The following ARHGAP23 variants were observed in gnomAD, a reference collection of about 807,000 sequenced individuals.
ARHGAP23 encodes the protein Rho GTPase activating protein 23, also known as rho GTPase-activating protein 23.
ARHGAP23 carries 34 observed loss-of-function variants against 136.3 expected under a neutral mutation model. The observed-to-expected ratio is 0.25, with a 90% CI of 0.19 to 0.33. The LOEUF (loss-of-function observed/expected upper bound fraction) is 0.33, where lower values mean the gene tolerates loss of function less well. Among genes scored for constraint, ARHGAP23 ranks in the 10% least tolerant of loss-of-function variants. ARHGAP23 has a pLI of 1.00. For missense variants in ARHGAP23, 1,808 were observed against 2,139.0 expected, an observed-to-expected ratio of 0.85 and a Z score of 3.05; for synonymous variants, 832 against 920.5, an observed-to-expected ratio of 0.90 and a Z score of 1.74.
At chr17:38,498,533 G>C in intron 22 of ARHGAP23, 23 bp downstream of exon 22, 1 of 1,512,502 alleles carries the variant, frequency 6.6e-7, no homozygotes, top group South Asian at 1.2e-5. Flanking sequence ...GCCTGGGAGT[G>C]GGGAGGCGGG....
At chr17:38,503,772 C>A (rs1430617435) in intron 23 of ARHGAP23, among the ~76,000 whole-genome samples, 1 of 152,182 alleles carries the variant, frequency 6.6e-6, no homozygotes, top group African/African-American at 2.4e-5. Flanking sequence ...AATCACAGGG[C>A]CTTGAACAAT....
intron 23 of ARHGAP23, among the ~76,000 whole-genome samples, chr17:38,507,737 G>A (rs2040666418): frequency 6.6e-6 from 1 of 152,224 alleles, no homozygotes; most frequent in Admixed American, 6.5e-5. Context: ...ACTCCAGGGG[G>A]TGCCTTCTGG....
intron 1 of ARHGAP23, 64 bp downstream of exon 1, chr17:38,428,612 C>A (rs1049498747): frequency 3.4e-6 from 4 of 1,173,892 alleles, no homozygotes; most frequent in Admixed American, 3.9e-5. Context: ...GCTGCCAAGC[C>A]AGGGTCGCTG....
chr17:38,488,506 A>T (rs2040204136), intron 17 of ARHGAP23, among the ~76,000 whole-genome samples: 1 of 152,096 alleles, frequency 6.6e-6, no homozygotes, highest in Admixed American at 6.5e-5. Context: ...TTTGCCTTTC[A>T]CTTTGCAGTA....
chr17:38,469,803 A>T, intron 9 of ARHGAP23, 44 bp from the exon 10 acceptor site: 1 of 1,549,430 alleles, frequency 6.5e-7, no homozygotes. Flanking sequence ...GTGAGGTCCC[A>T]GCTTTGCTGC....
At chr17:38,453,670 G>C (rs2039244302) in intron 1 of ARHGAP23, 1 of 150,630 alleles carries the variant, frequency 6.6e-6, no homozygotes, top group African/African-American at 2.4e-5. Context: ...CGAGACTCGC[G>C]GGCGTGTCGG....
At chr17:38,457,932 G>A in intron 1 of ARHGAP23, 170 bp from the exon 2 acceptor site, 1 of 687,304 alleles carries the variant, frequency 1.5e-6, no homozygotes, top group Non-Finnish European at 2.4e-6. Context: ...GAAGGTGGGA[G>A]AGTAAGGAAG....
chr17:38,506,173 T>C (rs1049549063), intron 23 of ARHGAP23, among the ~76,000 whole-genome samples: 1 of 152,216 alleles, frequency 6.6e-6, no homozygotes, highest in African/African-American at 2.4e-5. Flanking sequence ...ACAATATGAA[T>C]AGTTACAATT....
In ARHGAP23 at chr17:38,494,202, A is replaced by G. The variant is rs543686660; in HGVS notation, c.3276+2670A>G. Among the ~76,000 whole-genome samples, 7 of 152,240 alleles carry G rather than the reference A, an allele frequency of 4.6e-5. No individual in the cohort carries two copies. The East Asian group carries it at 9.6e-4, about 21-fold the overall frequency. On this transcript the variant is annotated intron_variant, in intron 20 of 23. Coordinates refer to ENST00000622683, the MANE Select transcript of ARHGAP23 (RefSeq NM_001199417.2). Reference sequence around the variant, plus strand: ...GCTCCTATGTGCTGTGTGGCCTTGGACAAGTTCCTTACCTGCTGTGCCTCA... The same window carrying G: ...GCTCCTATGTGCTGTGTGGCCTTGGGCAAGTTCCTTACCTGCTGTGCCTCA...
intron 3 of ARHGAP23, among the ~76,000 whole-genome samples, chr17:38,462,495 A>T (rs575165743): frequency 6.6e-5 from 10 of 151,206 alleles, no homozygotes; most frequent in African/African-American, 2.4e-4. Flanking sequence ...ACCTCAAGTG[A>T]TCCACCCGCC....
chr17:38,460,147 C>A (rs1320015080), intron 2 of ARHGAP23, among the ~76,000 whole-genome samples: 3 of 152,194 alleles, frequency 2.0e-5, no homozygotes, highest in Non-Finnish European at 4.4e-5. Flanking sequence ...CTCATTCCCC[C>A]ACAAAGTCTA....
At chr17:38,496,722 G>A (rs2040399930) in intron 20 of ARHGAP23, among the ~76,000 whole-genome samples, 1 of 152,174 alleles carries the variant, frequency 6.6e-6, no homozygotes, top group Admixed American at 6.5e-5. Flanking sequence ...GGGAGGTGGA[G>A]GTGGGCGGAT....
intron 23 of ARHGAP23, among the ~76,000 whole-genome samples, chr17:38,504,438 C>T (rs1377470440): frequency 2.0e-5 from 3 of 152,156 alleles, no homozygotes; most frequent in Non-Finnish European, 4.4e-5. Context: ...GGGGCTGCCT[C>T]GGGCACCAGG....
At position 38,471,857 on chromosome 17, in the gene ARHGAP23, C is replaced by T. The variant is rs2039767296; in HGVS notation, c.1975-6C>T. On this transcript the variant is annotated splice_region_variant and splice_polypyrimidine_tract_variant and intron_variant, in intron 10 of 23. Transcript: ENST00000622683. ...CCCTAAATTGTCCTCTGTTGTCTCC[C>T]TGCAGTCCTTGGATAGCTGGGGCAC... is the stretch of plus-strand genomic sequence containing the variant. 2.6e-6 allele frequency: 4 copies of T among 1,535,754 alleles called. No homozygotes were observed. Among genetic ancestry groups the T allele is most frequent in the East Asian group, 2.4e-5 (1 of 40,870 alleles).
chr17:38,428,740 G>A (rs1177828234), intron 1 of ARHGAP23, among the ~76,000 whole-genome samples, 192 bp downstream of exon 1: 1 of 152,182 alleles, frequency 6.6e-6, no homozygotes, highest in Non-Finnish European at 1.5e-5. Flanking sequence ...AGAGCTGTCC[G>A]GGGTAGAGGG....
chr17:38,463,074 C>A (rs761587380), intron 4 of ARHGAP23, 44 bp from the exon 5 acceptor site: 3 of 1,546,736 alleles, frequency 1.9e-6, no homozygotes, highest in African/African-American at 1.4e-5. Context: ...CAGATGGGGC[C>A]TTTGATGCCC....
chr17:38,464,757 C>A (rs1013010677), intron 6 of ARHGAP23, among the ~76,000 whole-genome samples: 7 of 152,198 alleles, frequency 4.6e-5, no homozygotes, highest in Admixed American at 6.5e-5. Context: ...GCAGTAGCCT[C>A]AAGTTCTGCT....
intron 2 of ARHGAP23, 150 bp from the exon 3 acceptor site, chr17:38,460,755 G>A: frequency 6.7e-7 from 1 of 1,482,792 alleles, no homozygotes; most frequent in Admixed American, 2.1e-5. Flanking sequence ...GTGCCCCTCG[G>A]ACACCCCTCC....
chr17:38,421,932 C>T (rs1039442441), intron 1 of ARHGAP23, among the ~76,000 whole-genome samples: 3 of 152,178 alleles, frequency 2.0e-5, no homozygotes, highest in Non-Finnish European at 4.4e-5. Context: ...TCTTCCCTTC[C>T]AGAAGGGCAA....
Sources: allele counts gnomAD v4.1 joint callset (sites outside exome capture counted in the v4.1 genomes callset), GRCh38; gene constraint gnomAD v4.1.1; transcripts MANE v1.5; gene names NCBI Gene and HGNC (gene_info 2026-07-23, HGNC 2026-07-21).